The following ALG13 variants were observed in gnomAD, a reference collection of about 807,000 sequenced individuals.
ALG13 encodes UDP-N-acetylglucosamine transferase subunit ALG13.
Under a neutral mutation model 87.8 loss-of-function variants are expected in ALG13, and 11 were observed. That is an observed-to-expected ratio of 0.13 (90% CI 0.08 to 0.21). ALG13 has a LOEUF of 0.21. Among genes scored for constraint, ALG13 ranks in the 10% least tolerant of loss-of-function variants. The pLI is 1.00. For synonymous variants in ALG13, 320 were observed against 306.3 expected (o/e 1.04, Z -0.47); for missense variants, 756 against 866.1 (o/e 0.87, Z 1.60).
intron 8 of ALG13, among the ~76,000 whole-genome samples, chrX:111,713,924 A>G (rs1940184893): frequency 8.9e-6 from 1 of 112,190 alleles, no homozygotes; most frequent in South Asian, 3.7e-4. Context: ...TTATAAAAGA[A>G]AAGCCCTTTA....
chrX:111,750,757 T>C (rs1944656714), intron 24 of ALG13, among the ~76,000 whole-genome samples: 1 of 110,434 alleles, frequency 9.1e-6, no homozygotes, highest in Non-Finnish European at 1.9e-5. Flanking sequence ...AACCTCTGCC[T>C]CCCGAGCTCA....
At chrX:111,736,954 AATTACATACCATTAC>A in intron 23 of ALG13, 75 bp downstream of exon 23, 1 of 854,993 alleles carries the variant, frequency 1.2e-6, no homozygotes, top group African/African-American at 2.0e-5. Context: ...CTGTTCTGGT[AATTACATACCATTAC>A]TTTAATTTCC....
chrX:111,716,835 A>C (rs913217753), intron 8 of ALG13: 1 of 112,139 alleles, frequency 8.9e-6, no homozygotes, highest in Non-Finnish European at 1.9e-5. Flanking sequence ...ACATCTTTCC[A>C]CAGATTGCAG....
At chrX:111,748,660 T>TG (rs1944452054) in intron 24 of ALG13, among the ~76,000 whole-genome samples, 1 of 112,168 alleles carries the variant, frequency 8.9e-6, no homozygotes, top group Non-Finnish European at 1.9e-5. Context: ...TTTTGTCAGG[T>TG]ATGTTTCGTG....
intron 25 of ALG13, among the ~76,000 whole-genome samples, chrX:111,755,455 A>T (rs767948510): frequency 3.6e-5 from 4 of 112,425 alleles, no homozygotes; most frequent in Non-Finnish European, 7.5e-5. Context: ...TAAACTAAAG[A>T]GCTTCTGCAC....
intron 5 of ALG13, among the ~76,000 whole-genome samples, chrX:111,710,665 T>G (rs1939591879): frequency 8.9e-6 from 1 of 111,889 alleles, no homozygotes; most frequent in African/African-American, 3.3e-5. Context: ...AAGTCAAAAT[T>G]TGTACTATTT....
At chrX:111,723,175 G>A (rs1233849864) in intron 13 of ALG13, among the ~76,000 whole-genome samples, 6 of 103,432 alleles carry the variant, frequency 5.8e-5, no homozygotes, top group Non-Finnish European at 1.2e-4. Flanking sequence ...TTTTTGAGAC[G>A]GAGTCTTGCT....
intron 3 of ALG13, among the ~76,000 whole-genome samples, chrX:111,705,154 T>A (rs755521053): frequency 8.9e-6 from 1 of 112,180 alleles, no homozygotes; most frequent in African/African-American, 3.2e-5. Context: ...TGTTACTGTC[T>A]GTATTGTTTA....
At chrX:111,686,831 A>T (rs949202592) in intron 3 of ALG13, among the ~76,000 whole-genome samples, 1 of 112,747 alleles carries the variant, frequency 8.9e-6, no homozygotes, top group East Asian at 2.8e-4. Context: ...AGGAAACTGT[A>T]CAAGTCTCCA....
Position 111,760,069 on chromosome X carries a change from G to C in ALG13, c.*70G>C, listed in dbSNP as rs1457861628. Reference sequence around the variant, plus strand: ...TTTTTGTTTTTAAAAAGTATTTTATGTTAGTGGTTAAATGATTTAGGTGAT... The same window carrying C: ...TTTTTGTTTTTAAAAAGTATTTTATCTTAGTGGTTAAATGATTTAGGTGAT... On this transcript the variant is annotated 3_prime_UTR_variant, in exon 27 of 27. Coordinates refer to ENST00000394780, the MANE Select transcript of ALG13 (RefSeq NM_001099922.3). The C allele has an allele frequency of 9.7e-7, 1 of 1,031,953 alleles. No individual in the cohort carries two copies. The highest frequency in any genetic ancestry group is 1.9e-5 in the African/African-American group (1 of 52,905). 85.0% of individuals were successfully genotyped at this position (1,031,953 alleles called of 1,213,427 possible). A position where few individuals can be genotyped will look rare whatever the true frequency, so the allele number is the denominator to read the frequency against.
intron 22 of ALG13, among the ~76,000 whole-genome samples, chrX:111,735,912 T>C (rs747589336): frequency 9.2e-6 from 1 of 109,174 alleles, no homozygotes; most frequent in Admixed American, 9.8e-5. Context: ...TGTGGAAAAA[T>C]AGTTTATTCT....
chrX:111,748,305 A>G (rs1385784413), intron 24 of ALG13, among the ~76,000 whole-genome samples: 1 of 112,095 alleles, frequency 8.9e-6, no homozygotes, highest in Admixed American at 9.4e-5. Context: ...TAACATATAA[A>G]TTATTTCTTT....
rs1480398287 is a variant in ALG13 at position 111,682,185 on chromosome X, G to A, written c.135G>A (p.Thr45=). 4.2e-6 allele frequency: 5 copies of A among 1,198,018 alleles called. No homozygotes were observed. The Admixed American group carries it at 1.1e-4, about 27-fold the overall frequency. The change falls in exon 2 of 27, where the codon ACG becomes ACA. Residue 45 remains threonine (T), a synonymous_variant. Coordinates refer to ENST00000394780, the MANE Select transcript of ALG13 (RefSeq NM_001099922.3). ...NRLILQIGRG[T]VVPEPFSTES... ...TTATCCTGCAAATTGGTAGAGGAAC[G>A]GTGGTACCTGAACCCTTCAGTACTG...
intron 1 of ALG13, 39 bp downstream of exon 1, chrX:111,681,338 C>G (rs375148566): frequency 3.4e-5 from 41 of 1,205,970 alleles, no homozygotes; most frequent in Non-Finnish European, 4.3e-5. Context: ...CTTGGCTCGC[C>G]ACCCGCCATC....
chrX:111,746,791 T>C (rs1385706790), intron 24 of ALG13, among the ~76,000 whole-genome samples: 1 of 112,207 alleles, frequency 8.9e-6, no homozygotes, highest in Non-Finnish European at 1.9e-5. Flanking sequence ...ATTTTACACT[T>C]CCACCAGCAG....
intron 23 of ALG13, among the ~76,000 whole-genome samples, chrX:111,738,067 C>G (rs775418040): frequency 8.9e-6 from 1 of 112,502 alleles, no homozygotes; most frequent in Admixed American, 9.4e-5. Context: ...AAATGAAACA[C>G]TAAACAGATC....
rs186860230 is a variant in ALG13 at position 111,730,297 on chromosome X, A to G, written c.2369-98A>G. On this transcript the variant is annotated intron_variant, in intron 19 of 26. Coordinates refer to ENST00000394780, the MANE Select transcript of ALG13 (RefSeq NM_001099922.3). ...GCATTTTAGTTTTGAACATATAACC[A>G]TAAAACTGGTGGAAAAAGCAAGTGC... is the stretch of plus-strand genomic sequence containing the variant. 331 of 746,226 alleles carry G rather than the reference A, an allele frequency of 4.4e-4. 2 individuals are homozygous for G. The East Asian group carries it at 0.01, about 23-fold the overall frequency. 61.5% of individuals were successfully genotyped at this position (746,226 alleles called of 1,213,427 possible).
At chrX:111,685,145 G>A (rs1389258931) in intron 3 of ALG13, 42 bp downstream of exon 3, 6 of 1,173,918 alleles carry the variant, frequency 5.1e-6, no homozygotes, top group South Asian at 3.8e-5. Context: ...GCCTTAATTC[G>A]TCCCTTGCAC....
At chrX:111,690,046 A>C in intron 3 of ALG13, 1 of 743,496 alleles carries the variant, frequency 1.3e-6, no homozygotes, top group Non-Finnish European at 1.6e-6. Context: ...ACAGAATTGT[A>C]GACTTTTGGA....
Sources: allele counts gnomAD v4.1 joint callset (sites outside exome capture counted in the v4.1 genomes callset), GRCh38; gene constraint gnomAD v4.1.1; transcripts MANE v1.5; gene names NCBI Gene and HGNC (gene_info 2026-07-23, HGNC 2026-07-21).